The following TCF20 variants were observed in gnomAD, a reference collection of about 807,000 sequenced individuals.
TCF20 encodes transcription factor 20, also known as SPRE-binding protein.
In TCF20, 3 loss-of-function variants were observed where a neutral mutation model predicts 148.6. The ratio of observed to expected loss-of-function variants is 0.02; its 90% CI spans 0.01 to 0.05. TCF20 has a LOEUF of 0.05. TCF20 is among the 10% of genes least tolerant of loss of function. TCF20 has a pLI of 1.00. For synonymous variants in TCF20, 1,049 were observed against 909.5 expected (o/e 1.15, Z -2.76); for missense variants, 2,350 against 2,429.3 (o/e 0.97, Z 0.69).
intron 1 of TCF20, among the ~76,000 whole-genome samples, chr22:42,249,692 G>A (rs1262949014): frequency 1.3e-5 from 2 of 152,224 alleles, no homozygotes; most frequent in African/African-American, 4.8e-5. Context: ...GTGCTTTGAA[G>A]ATCGCAGAAG....
upstream of TCF20, among the ~76,000 whole-genome samples, chr22:42,271,422 G>A (rs1317726751): frequency 6.6e-6 from 1 of 152,228 alleles, no homozygotes; most frequent in Non-Finnish European, 1.5e-5. Context: ...CGGTGCCAAG[G>A]CCTCAGCTTG....
chr22:42,318,458 G>C (rs964350634), intron 1 of TCF20, among the ~76,000 whole-genome samples: 1 of 152,172 alleles, frequency 6.6e-6, no homozygotes, highest in Non-Finnish European at 1.5e-5. Flanking sequence ...GCGGCGCAGC[G>C]GAACGGTAAA....
chr22:42,258,878 TAA>T (rs1569190876), intron 1 of TCF20, among the ~76,000 whole-genome samples: 1 of 152,172 alleles, frequency 6.6e-6, no homozygotes, highest in Non-Finnish European at 1.5e-5. Flanking sequence ...AAAAAACACA[TAA>T]AAGAGTTCTC....
At position 42,309,592 on chromosome 22, in the gene TCF20, C is replaced by G. The variant is rs1257062083; in HGVS notation, c.-37+33887G>C. Among the ~76,000 whole-genome samples the G allele has an allele frequency of 2.0e-5, 3 of 152,200 alleles. No individual in the cohort carries two copies. In the East Asian group the frequency reaches 5.8e-4, roughly 29 times the overall value. On this transcript the variant is annotated intron_variant, in intron 1 of 1. Transcript: ENST00000515426. ...CTACCCATCTACGGCTGCTGCACAC[C>G]CCAACCGTGCCCGTGGCCCTCCACA... is the stretch of plus-strand genomic sequence containing the variant.
At chr22:42,268,206 A>C (rs1189220398) in intron 1 of TCF20, among the ~76,000 whole-genome samples, 1 of 152,210 alleles carries the variant, frequency 6.6e-6, no homozygotes, top group Non-Finnish European at 1.5e-5. Flanking sequence ...TAAAAATAAA[A>C]AGTGATCTGA....
At position 42,213,873 on chromosome 22, in the gene TCF20, G is replaced by A. The variant is rs748665527; in HGVS notation, c.1433C>T (p.Ala478Val). The stretch of plus-strand genomic sequence containing the variant: ...GGAGGTCTTCTTCTGAGGAGTCAGG[G>A]CATCAGAAAGTAACATGTGCTGGAC... ...NTVQHMLLSD[A>V]LTPQKKTSKR... The change falls in exon 2 of 6, where the codon GCC becomes GTC. Residue 478 changes from alanine to valine, a missense_variant. Ala to Val is a moderately conservative substitution (Grantham distance 64, BLOSUM62 0). This residue lies in a region of TCF20 where 1,641 missense variants were observed against 1,662.6 expected (regional missense o/e 0.99). Transcript: ENST00000677622. 1.2e-6 allele frequency: 2 copies of A among 1,614,162 alleles called. No individual in the cohort carries two copies. The highest frequency in any genetic ancestry group is 1.1e-5 in the South Asian group (1 of 91,084).
At chr22:42,315,630 C>A (rs35248349) in intron 1 of TCF20, among the ~76,000 whole-genome samples, 1 of 151,876 alleles carries the variant, frequency 6.6e-6, no homozygotes, top group Non-Finnish European at 1.5e-5. Context: ...AAGGTGTGGA[C>A]AGTGCCATGA....
intron 2 of TCF20, among the ~76,000 whole-genome samples, chr22:42,186,452 T>G (rs942278398): frequency 6.6e-6 from 1 of 152,360 alleles, no homozygotes; most frequent in South Asian, 2.1e-4. Flanking sequence ...TTCATCTCTG[T>G]CATACTTTGG....
rs539398912 is a variant in TCF20 at position 42,314,035 on chromosome 22, C to T, written c.-37+29444G>A. On this transcript the variant is annotated intron_variant, in intron 1 of 1. Coordinates refer to the TCF20 transcript ENST00000515426. Reference sequence around the variant, plus strand: ...AGTGCAACGGCAGGTGCTCTGTCTGCTGTGTTCAGAGCTGTGACCTTTGTG... The same window carrying T: ...AGTGCAACGGCAGGTGCTCTGTCTGTTGTGTTCAGAGCTGTGACCTTTGTG... Among the ~76,000 whole-genome samples the T allele has an allele frequency of 2.2e-3, 333 of 152,346 alleles. 3 individuals are homozygous for T. Among genetic ancestry groups the T allele is most frequent in the African/African-American group, 7.5e-3 (311 of 41,578 alleles).
intron 1 of TCF20, among the ~76,000 whole-genome samples, chr22:42,308,823 C>T (rs1411579690): frequency 6.6e-6 from 1 of 152,140 alleles, no homozygotes; most frequent in Non-Finnish European, 1.5e-5. Context: ...TCCTGGCTCC[C>T]TGTCGCTGGC....
chr22:42,250,408 T>C (rs916362872), intron 1 of TCF20, among the ~76,000 whole-genome samples: 1 of 144,416 alleles, frequency 6.9e-6, no homozygotes, highest in Non-Finnish European at 1.5e-5. Flanking sequence ...ACCACACCAT[T>C]GCACTTCAGC....
chr22:42,178,651 C>T (rs1370175944), intron 3 of TCF20, among the ~76,000 whole-genome samples: 2 of 130,438 alleles, frequency 1.5e-5, no homozygotes, highest in African/African-American at 3.0e-5. Context: ...AGTGCAGTGG[C>T]GTGATCTCGC....
chr22:42,232,535 C>G (rs1469927720), intron 1 of TCF20, among the ~76,000 whole-genome samples: 1 of 152,146 alleles, frequency 6.6e-6, no homozygotes, highest in Non-Finnish European at 1.5e-5. Flanking sequence ...CTTTCAGCAA[C>G]TAGTTCGATC....
intron 1 of TCF20, among the ~76,000 whole-genome samples, chr22:42,240,089 G>A (rs1924261731): frequency 6.6e-6 from 1 of 152,222 alleles, no homozygotes; most frequent in Admixed American, 6.5e-5. Context: ...GTCTGGCAAT[G>A]TTCTAAAAGC....
At chr22:42,281,311 A>C (rs1056806188) in intron 1 of TCF20, among the ~76,000 whole-genome samples, 3 of 152,176 alleles carry the variant, frequency 2.0e-5, no homozygotes, top group African/African-American at 7.2e-5. Context: ...CCAGCTTTGC[A>C]AGATCCTGAA....
At chr22:42,340,031 C>A (rs1928136919) in intron 1 of TCF20, among the ~76,000 whole-genome samples, 1 of 152,152 alleles carries the variant, frequency 6.6e-6, no homozygotes, top group Non-Finnish European at 1.5e-5. Flanking sequence ...GGGAGTAGGC[C>A]AGAACCCCAG....
intron 5 of TCF20, among the ~76,000 whole-genome samples, chr22:42,161,770 C>A (rs1401081320): frequency 6.6e-6 from 1 of 152,198 alleles, no homozygotes; most frequent in Non-Finnish European, 1.5e-5. Flanking sequence ...GTGGAAGAAA[C>A]TTCTCGAAGT....
intron 1 of TCF20, among the ~76,000 whole-genome samples, chr22:42,302,411 G>A (rs994073848): frequency 6.6e-6 from 1 of 152,172 alleles, no homozygotes; most frequent in Non-Finnish European, 1.5e-5. Context: ...CTTGGTGGGG[G>A]AGGTGAGAGG....
Position 42,290,063 on chromosome 22 carries a change from C to T in TCF20, c.-37+53416G>A, listed in dbSNP as rs866737435. 3.3e-5 allele frequency among the ~76,000 whole-genome samples: 5 copies of T among 152,372 alleles called. No homozygotes were observed. The highest frequency in any genetic ancestry group is 2.1e-4 in the South Asian group (1 of 4,832). On this transcript the variant is annotated intron_variant, in intron 1 of 1. Transcript: ENST00000515426. The surrounding 1 kb of genome is among the most constrained non-coding windows in gnomAD (Gnocchi z 4.2). ...TTCTCCACAGCCGGCTCACTCCCGC[C>T]GCACGCATGCGCCCCCTGCACCGCC... is the stretch of plus-strand genomic sequence containing the variant.
Sources: gnomAD v4.1 joint callset for allele counts (sites outside exome capture counted in the v4.1 genomes callset) on GRCh38, gnomAD v4.1.1 for gene constraint, gnomAD v4.1.1 regional missense constraint, Gnocchi (gnomAD v3.1) non-coding constraint, MANE v1.5 for transcripts, NCBI Gene and HGNC (gene_info 2026-07-23, HGNC 2026-07-21) for gene names.